Variants in WASF3 observed in about 807,000 individuals in gnomAD.
The protein encoded by WASF3 is actin-binding protein WASF3.
In WASF3, 11 loss-of-function variants were observed where a neutral mutation model predicts 46.6. The observed-to-expected ratio is 0.24, with a 90% CI of 0.15 to 0.39. The LOEUF (loss-of-function observed/expected upper bound fraction) is 0.39, where lower values mean the gene tolerates loss of function less well. Among genes scored for constraint, WASF3 ranks in the 10% least tolerant of loss-of-function variants. The pLI is 1.00. For synonymous variants in WASF3, 242 were observed against 259.7 expected, an observed-to-expected ratio of 0.93 and a Z score of 0.65; for missense variants, 576 against 669.8, an observed-to-expected ratio of 0.86 and a Z score of 1.55.
intron 1 of WASF3, among the ~76,000 whole-genome samples, chr13:26,603,136 GAGCTGCAGGTATA>G (rs1880691737): frequency 6.6e-6 from 1 of 152,190 alleles, no homozygotes; most frequent in African/African-American, 2.4e-5. Context: ...TGGAAGTGTG[GAGCTGCAGGTATA>G]AGCTGAAGGT....
chr13:26,682,547 C>G lies in WASF3; in HGVS notation c.984-60C>G. On this transcript the variant is annotated intron_variant, in intron 8 of 9. Coordinates refer to ENST00000335327, the MANE Select transcript of WASF3 (RefSeq NM_006646.6). This position sits in a 1 kb window ranked among gnomAD's most constrained non-coding sequence, Gnocchi z 4.4. ...GATGGCTCCGTTAGGTGTCTAAGAG[C>G]TCCCAGGACGTGACCCTCTCTTGTT... The G allele has an allele frequency of 6.2e-7, 1 of 1,604,900 alleles. No individual in the cohort carries two copies. The highest frequency in any genetic ancestry group is 2.2e-5 in the East Asian group (1 of 44,828).
At chr13:26,680,521 C>T (rs992489118) in intron 7 of WASF3, among the ~76,000 whole-genome samples, 4 of 152,170 alleles carry the variant, frequency 2.6e-5, no homozygotes, top group Non-Finnish European at 5.9e-5. Flanking sequence ...CATAGTGCAC[C>T]GCATTGCTTT....
chr13:26,580,983 G>A (rs1879964717), intron 1 of WASF3, among the ~76,000 whole-genome samples: 1 of 150,630 alleles, frequency 6.6e-6, no homozygotes, highest in African/African-American at 2.4e-5. Context: ...CCAAGCTGGG[G>A]TGCAGTGGTA....
intron 4 of WASF3, among the ~76,000 whole-genome samples, chr13:26,665,707 T>A (rs1291439056): frequency 5.3e-5 from 8 of 152,230 alleles, no homozygotes; most frequent in Non-Finnish European, 1.0e-4. Context: ...CATTGTATAG[T>A]TAACTGATAG....
chr13:26,667,398 T>C (rs929194700), intron 4 of WASF3, 119 bp from the exon 5 acceptor site: 4 of 867,810 alleles, frequency 4.6e-6, no homozygotes, highest in Non-Finnish European at 6.8e-6. Context: ...AAATGGACAA[T>C]AAAAAATATT....
chr13:26,549,050 C>T, the WASF3 span, among the ~76,000 whole-genome samples: 10 of 150,292 alleles, frequency 6.7e-5, no homozygotes, highest in East Asian at 2.0e-4. Flanking sequence ...GGCGTGATCT[C>T]GGCTCACTGC....
At chr13:26,558,833 A>G (rs1193551487) in intron 1 of WASF3, among the ~76,000 whole-genome samples, 2 of 152,230 alleles carry the variant, frequency 1.3e-5, no homozygotes, top group Non-Finnish European at 2.9e-5. Context: ...AGAACATGGT[A>G]TTTTAAGATT....
chr13:26,554,091 C>CTTT (rs1221082083), upstream of WASF3, among the ~76,000 whole-genome samples: 2,283 of 95,252 alleles, frequency 0.024, 28 homozygotes, highest in Non-Finnish European at 0.029. Flanking sequence ...TTCCTTCCTT[C>CTTT]CTTCCTTCTT....
chr13:26,577,194 C>T (rs1164222894), intron 1 of WASF3: 1 of 746,268 alleles, frequency 1.3e-6, no homozygotes, highest in African/African-American at 1.7e-5. Flanking sequence ...TGGCATGGAT[C>T]TTACCTGTGA....
rs1233069475 is a variant in WASF3, at chr13:26,679,398, ACTTCAGATATTTATCGAGTCTTC to A, written c.717-1650_717-1628del. Among the ~76,000 whole-genome samples, 5 of 151,990 alleles carry A rather than the reference ACTTCAGATATTTATCGAGTCTTC, an allele frequency of 3.3e-5. No homozygotes were observed. Among genetic ancestry groups the A allele is most frequent in the African/African-American group, 1.2e-4 (5 of 41,374 alleles). On this transcript the variant is annotated intron_variant, in intron 7 of 9. Transcript: ENST00000335327. The surrounding 1 kb of genome is among the most constrained non-coding windows in gnomAD (Gnocchi z 4.8). Reference sequence around the variant, plus strand: ...TGCCCTGTAGAAATCTCTGGTTTCTACTTCAGATATTTATCGAGTCTTCCTTCACTTCTGCCTCCATCTGGTTA... The same window carrying A: ...TGCCCTGTAGAAATCTCTGGTTTCTACTTCACTTCTGCCTCCATCTGGTTA...
chr13:26,641,241 G>T (rs1881987737), intron 2 of WASF3: 1 of 152,212 alleles, frequency 6.6e-6, no homozygotes, highest in Non-Finnish European at 1.5e-5. Flanking sequence ...CACCCCACCT[G>T]TTTTATCTCC....
At chr13:26,559,788 TTTTC>T (rs1555246392) in intron 1 of WASF3, among the ~76,000 whole-genome samples, 3,838 of 79,660 alleles carry the variant, frequency 0.048, 79 homozygotes, top group Middle Eastern at 0.098. Flanking sequence ...TTTTCTTTTC[TTTTC>T]TTTCTTTCTT....
intron 2 of WASF3, among the ~76,000 whole-genome samples, chr13:26,630,764 A>G (rs1269320595): frequency 1.3e-5 from 2 of 152,228 alleles, no homozygotes; most frequent in Non-Finnish European, 2.9e-5. Context: ...GAACTAATTT[A>G]CACTCCCACC....
rs140771809 is a variant in WASF3, at chr13:26,669,881, A to G, written c.423-1991A>G. 2.6e-5 allele frequency among the ~76,000 whole-genome samples: 4 copies of G among 152,326 alleles called. No homozygotes were observed. The East Asian group carries it at 7.7e-4, about 29-fold the overall frequency. On this transcript the variant is annotated intron_variant, in intron 5 of 9. Transcript: ENST00000335327. ...ACAGATGCTGGAGAGGATGTGGAGAAATAGGAACGCTTTTATACTGTTGGT... is the reference window on the plus strand; with the variant it reads ...ACAGATGCTGGAGAGGATGTGGAGAGATAGGAACGCTTTTATACTGTTGGT...
At chr13:26,576,591 G>A (rs539067661) in intron 1 of WASF3, among the ~76,000 whole-genome samples, 1 of 152,282 alleles carries the variant, frequency 6.6e-6, no homozygotes, top group East Asian at 1.9e-4. Flanking sequence ...TACATCATGT[G>A]CTTATGTAAC....
Position 26,679,092 on chromosome 13 carries a change from G to A in WASF3, c.717-1962G>A, listed in dbSNP as rs58671334. On this transcript the variant is annotated intron_variant, in intron 7 of 9. Coordinates refer to ENST00000335327, the MANE Select transcript of WASF3 (RefSeq NM_006646.6). This position sits in a 1 kb window ranked among gnomAD's most constrained non-coding sequence, Gnocchi z 4.8. Reference sequence around the variant, plus strand: ...TCCCAGTCCTCTTCCTCCCGTGTCAGTGTCGCCTCTGGCCCTCCCAGTCCT... The same window carrying A: ...TCCCAGTCCTCTTCCTCCCGTGTCAATGTCGCCTCTGGCCCTCCCAGTCCT... Among the ~76,000 whole-genome samples the A allele has an allele frequency of 0.048, 7,223 of 151,826 alleles. 437 individuals are homozygous for A. Among genetic ancestry groups the A allele is most frequent in the African/African-American group, 0.14 (5,618 of 41,336 alleles).
At chr13:26,550,471 C>T in the WASF3 span, among the ~76,000 whole-genome samples, 1 of 152,154 alleles carries the variant, frequency 6.6e-6, no homozygotes, top group African/African-American at 2.4e-5. Context: ...ACTCACTGAA[C>T]ATTGGCAATT....
chr13:26,580,985 G>A (rs577375374), intron 1 of WASF3, among the ~76,000 whole-genome samples: 30 of 149,128 alleles, frequency 2.0e-4, no homozygotes, highest in African/African-American at 6.9e-4. Flanking sequence ...AAGCTGGGGT[G>A]CAGTGGTACA....
In WASF3 at chr13:26,610,922, T is replaced by C. The variant is rs1016064486; in HGVS notation, c.-108-2039T>C. On this transcript the variant is annotated intron_variant, in intron 1 of 9. Transcript: ENST00000335327. ...AAGTCTAGTTAATTCTTCAAGACTT[T>C]TATGGTTCTTGACTTATGTTAGAAA... 2.0e-5 allele frequency among the ~76,000 whole-genome samples: 3 copies of C among 152,148 alleles called. No homozygotes were observed. In the South Asian group the frequency reaches 6.2e-4, roughly 32 times the overall value.
Sources: allele counts gnomAD v4.1 joint callset (sites outside exome capture counted in the v4.1 genomes callset), GRCh38; gene constraint gnomAD v4.1.1; non-coding constraint Gnocchi (gnomAD v3.1); transcripts MANE v1.5; gene names NCBI Gene and HGNC (gene_info 2026-07-23, HGNC 2026-07-21).